CYB5R3: variants seen among roughly 807,000 people sequenced by gnomAD.
CYB5R3 encodes the protein NADH-cytochrome b5 reductase 3.
Under a neutral mutation model 36.5 loss-of-function variants are expected in CYB5R3, and 28 were observed. That is an observed-to-expected ratio of 0.77 (90% CI 0.57 to 1.05). CYB5R3 has a LOEUF of 1.05. Ranked by LOEUF, CYB5R3 falls within the 50% of genes least tolerant of loss-of-function variation. The pLI is 0.00. For synonymous variants in CYB5R3, 181 were observed against 159.8 expected (o/e 1.13, Z -1.00); for missense variants, 474 against 408.9 (o/e 1.16, Z -1.37).
chr22:42,644,441 G>A (rs922314543), intron 1 of CYB5R3: 29 of 768,772 alleles, frequency 3.8e-5, no homozygotes, highest in East Asian at 1.1e-4. Flanking sequence ...TCAGGCGTTC[G>A]CATATGCTCT....
At chr22:42,642,736 C>T (rs566157159) in intron 1 of CYB5R3, among the ~76,000 whole-genome samples, 1 of 152,326 alleles carries the variant, frequency 6.6e-6, no homozygotes, top group Admixed American at 6.5e-5. Context: ...CCTCGCCCGG[C>T]CAGTAATTTG....
chr22:42,649,258 C>T (rs1929659404), intron 1 of CYB5R3, 37 bp downstream of exon 1: 4 of 911,002 alleles, frequency 4.4e-6, no homozygotes, highest in Non-Finnish European at 5.3e-6. Flanking sequence ...CAGTCCCTCG[C>T]GACGCCCCGC....
intron 7 of CYB5R3, among the ~76,000 whole-genome samples, chr22:42,626,826 AGGGC>A (rs8190452): frequency 0.28 from 42,005 of 151,918 alleles, 7,773 homozygotes; most frequent in East Asian, 0.68. Flanking sequence ...ACAGCAGGCC[AGGGC>A]GGGCAGGCAG....
intron 1 of CYB5R3, among the ~76,000 whole-genome samples, chr22:42,641,173 AAC>A (rs1929252848): frequency 6.6e-6 from 1 of 151,838 alleles, no homozygotes; most frequent in African/African-American, 2.4e-5. Flanking sequence ...TTTTTAAAAT[AAC>A]AGTTTTCTCT....
chr22:42,636,164 C>T (rs921622680), intron 2 of CYB5R3, among the ~76,000 whole-genome samples: 2 of 151,866 alleles, frequency 1.3e-5, no homozygotes, highest in Non-Finnish European at 2.9e-5. Flanking sequence ...TTGCAGTGAG[C>T]GGAGATCGCA....
At chr22:42,628,533 C>T (rs1486238823) in intron 4 of CYB5R3, among the ~76,000 whole-genome samples, 4 of 152,190 alleles carry the variant, frequency 2.6e-5, no homozygotes, top group Non-Finnish European at 4.4e-5. Flanking sequence ...GTGTACAAGG[C>T]CGACCAACTC....
intron 4 of CYB5R3, among the ~76,000 whole-genome samples, chr22:42,629,203 A>G (rs910212918): frequency 1.3e-5 from 2 of 152,116 alleles, no homozygotes; most frequent in Non-Finnish European, 2.9e-5. Context: ...CTTCTGGACA[A>G]AGCCCCAAAC....
chr22:42,631,478 G>A (rs375375692), intron 2 of CYB5R3, 28 bp from the exon 3 acceptor site: 38 of 1,550,290 alleles, frequency 2.5e-5, no homozygotes, highest in South Asian at 8.3e-5. Context: ...GCTGCTGAAC[G>A]GTCCCCAGGG....
chr22:42,646,643 G>A, intron 1 of CYB5R3: 1 of 985,542 alleles, frequency 1.0e-6, no homozygotes, highest in Non-Finnish European at 1.2e-6. Context: ...TTGCTTACCT[G>A]TCCCCTGCCT....
intron 1 of CYB5R3, chr22:42,644,403 GCT>G: frequency 1.4e-6 from 1 of 716,060 alleles, no homozygotes; most frequent in Non-Finnish European, 2.5e-6. Context: ...CCAGCTCTCT[GCT>G]CTTTCAACAT....
intron 8 of CYB5R3, among the ~76,000 whole-genome samples, chr22:42,622,047 C>T (rs754138630): frequency 1.2e-4 from 18 of 150,804 alleles, no homozygotes; most frequent in Non-Finnish European, 1.6e-4. Context: ...CCTCAGCCTC[C>T]GAGTAGCTGG....
intron 7 of CYB5R3, 109 bp from the exon 8 acceptor site, chr22:42,623,997 T>G: frequency 1.1e-6 from 1 of 936,544 alleles, no homozygotes; most frequent in Non-Finnish European, 1.7e-6. Flanking sequence ...GCCACACGCT[T>G]GCGGAGCTTT....
At chr22:42,646,577 G>T in intron 1 of CYB5R3, 1 of 907,330 alleles carries the variant, frequency 1.1e-6, no homozygotes, top group Non-Finnish European at 1.3e-6. Flanking sequence ...GGCAGGCCCG[G>T]TCCTCCCCAG....
chr22:42,631,003 G>T lies in CYB5R3; in HGVS notation c.227-15C>A. 2 of 1,609,746 alleles carry T rather than the reference G, an allele frequency of 1.2e-6. No individual in the cohort carries two copies. The highest frequency in any genetic ancestry group is 1.7e-6 in the Non-Finnish European group (2 of 1,176,868). ...GATGTGCTGGCCTGCAGGACAGAAC[G>T]GGGTCACTCTGGGCCAGAGATCATC... is the stretch of plus-strand genomic sequence containing the variant. On this transcript the variant is annotated splice_polypyrimidine_tract_variant and intron_variant, in intron 3 of 8. Coordinates refer to ENST00000352397, the MANE Select transcript of CYB5R3 (RefSeq NM_000398.7).
At chr22:42,645,259 A>G (rs1480548435) in intron 1 of CYB5R3, among the ~76,000 whole-genome samples, 4 of 152,138 alleles carry the variant, frequency 2.6e-5, no homozygotes, top group Admixed American at 2.6e-4. Context: ...TCCACACAGA[A>G]AGCACTCAAC....
At chr22:42,630,415 G>A (rs191829964) in intron 4 of CYB5R3, among the ~76,000 whole-genome samples, 5 of 152,260 alleles carry the variant, frequency 3.3e-5, no homozygotes, top group East Asian at 1.9e-4. Context: ...GCCTCACCCC[G>A]CACACTCGGG....
At chr22:42,633,379 C>T (rs1014385380) in intron 2 of CYB5R3, 1 of 152,378 alleles carries the variant, frequency 6.6e-6, no homozygotes, top group Non-Finnish European at 1.5e-5. Flanking sequence ...TGAGCTGTGA[C>T]CTGGGCCCTC....
intron 1 of CYB5R3, chr22:42,646,598 C>T: frequency 4.1e-6 from 4 of 970,444 alleles, no homozygotes; most frequent in Non-Finnish European, 4.9e-6. Context: ...GTGCCAGCTC[C>T]CTGCCCTGGA....
chr22:42,633,083 T>C (rs894857842), intron 2 of CYB5R3: 1 of 152,286 alleles, frequency 6.6e-6, no homozygotes, highest in Non-Finnish European at 1.5e-5. Context: ...GGCCAACCTC[T>C]AGTAGGGCAG....
Sources: gnomAD v4.1 joint callset for allele counts (sites outside exome capture counted in the v4.1 genomes callset) on GRCh38, gnomAD v4.1.1 for gene constraint, MANE v1.5 for transcripts, NCBI Gene and HGNC (gene_info 2026-07-23, HGNC 2026-07-21) for gene names.